TET2: variants seen among roughly 807,000 people sequenced by gnomAD.
The protein encoded by TET2 is tet methylcytosine dioxygenase 2.
TET2 carries 299 observed loss-of-function variants against 142.9 expected under a neutral mutation model. The observed-to-expected ratio is 2.09, with a 90% CI of 1.90 to 2.30. TET2 has a LOEUF of 2.30. Among genes scored for constraint, TET2 ranks in the 30% most tolerant of loss-of-function variants. The probability of loss-of-function intolerance (pLI) is 0.00; values close to 1 mark genes in which losing one functional copy is unlikely to be tolerated. For missense variants in TET2, 2,418 were observed against 2,378.0 expected (o/e 1.02, Z -0.35); for synonymous variants, 819 against 849.0 (o/e 0.96, Z 0.61).
intron 5 of TET2, among the ~76,000 whole-genome samples, chr4:105,243,305 T>G (rs1729404516): frequency 6.6e-6 from 1 of 152,152 alleles, no homozygotes; most frequent in Non-Finnish European, 1.5e-5. Flanking sequence ...CAGGTAGCAT[T>G]TAATTGTCCC....
At chr4:105,200,168 T>G in intron 2 of TET2, among the ~76,000 whole-genome samples, 1 of 152,174 alleles carries the variant, frequency 6.6e-6, no homozygotes, top group South Asian at 2.1e-4. Flanking sequence ...CAATAGCATA[T>G]AAGTGTTCCT....
chr4:105,160,703 A>T (rs964922980), intron 1 of TET2, among the ~76,000 whole-genome samples: 2 of 152,198 alleles, frequency 1.3e-5, no homozygotes, highest in African/African-American at 4.8e-5. Context: ...TGTATTTTTT[A>T]AAATAAAGGA....
intron 4 of TET2, chr4:105,241,976 A>AAG: frequency 8.1e-7 from 1 of 1,241,720 alleles, no homozygotes. Context: ...CAGGTATACA[A>AAG]GTACTTGCCT....
chr4:105,158,433 G>A (rs1428847976), intron 1 of TET2, among the ~76,000 whole-genome samples: 1 of 152,232 alleles, frequency 6.6e-6, no homozygotes, highest in African/African-American at 2.4e-5. Flanking sequence ...AAGATATAAT[G>A]AATGTAGATG....
At chr4:105,221,538 A>G (rs1229275033) in intron 2 of TET2, among the ~76,000 whole-genome samples, 1 of 152,148 alleles carries the variant, frequency 6.6e-6, no homozygotes, top group African/African-American at 2.4e-5. Context: ...ACTGAGGATT[A>G]TGAAAAACCT....
intron 2 of TET2, among the ~76,000 whole-genome samples, chr4:105,204,010 A>C (rs201606473): frequency 6.6e-6 from 1 of 151,974 alleles, no homozygotes; most frequent in Non-Finnish European, 1.5e-5. Flanking sequence ...AGACCAGCCT[A>C]GCCAATATGG....
At chr4:105,231,979 A>G (rs904334786) in intron 2 of TET2, among the ~76,000 whole-genome samples, 2 of 152,198 alleles carry the variant, frequency 1.3e-5, no homozygotes, top group South Asian at 2.1e-4. Flanking sequence ...TTTGTCACCC[A>G]GGTAATAAGC....
rs1336813297 is a variant in TET2, at chr4:105,259,699, A to T, written c.3884A>T (p.Tyr1295Phe). The T allele has an allele frequency of 3.9e-6, 6 of 1,551,114 alleles. No homozygotes were observed. Among genetic ancestry groups the T allele is most frequent in the Non-Finnish European group, 5.2e-6 (6 of 1,146,646 alleles). Residue 1295 changes from tyrosine (Y) to phenylalanine (F), a missense_variant, in exon 7 of 11, where the codon TAC (tyrosine) becomes TTC (phenylalanine). Physicochemically the swap from Tyr to Phe is conservative, Grantham distance 22. Coordinates refer to ENST00000380013, the MANE Select transcript of TET2 (RefSeq NM_001127208.3). ...FSFGCSWSMYYNGCKFARSKI... is the reference protein window; with the variant it reads ...FSFGCSWSMYFNGCKFARSKI... Reference sequence around the variant, plus strand: ...TTTGGTTGTTCATGGAGCATGTACTACAATGGATGTAAGTTTGCCAGAAGC... The same window carrying T: ...TTTGGTTGTTCATGGAGCATGTACTTCAATGGATGTAAGTTTGCCAGAAGC...
chr4:105,238,849 C>T (rs190315649), intron 3 of TET2: 52 of 239,272 alleles, frequency 2.2e-4, no homozygotes, highest in African/African-American at 1.0e-3. Flanking sequence ...TGTACTTTGC[C>T]CGGATCCATC....
chr4:105,221,138 TTTATTA>T (rs902082360), intron 2 of TET2, among the ~76,000 whole-genome samples: 3 of 152,016 alleles, frequency 2.0e-5, no homozygotes, highest in African/African-American at 4.8e-5. Flanking sequence ...TATGTTTATC[TTTATTA>T]TTATTATTAT....
At chr4:105,162,307 A>G (rs1723896668) in intron 1 of TET2, among the ~76,000 whole-genome samples, 1 of 152,194 alleles carries the variant, frequency 6.6e-6, no homozygotes, top group Non-Finnish European at 1.5e-5. Flanking sequence ...TGAAGCCTGC[A>G]GTTGTTTATC....
chr4:105,232,063 C>A (rs573063317), intron 2 of TET2, among the ~76,000 whole-genome samples: 2 of 152,194 alleles, frequency 1.3e-5, no homozygotes, highest in South Asian at 4.1e-4. Context: ...TCTGTTGTTC[C>A]CCCTCTTTGT....
chr4:105,145,925 A>G (rs923049623), upstream of TET2: 2 of 152,202 alleles, frequency 1.3e-5, no homozygotes, highest in African/African-American at 4.8e-5. Flanking sequence ...TCAATTTCCC[A>G]GTTTGTCGGG....
chr4:105,241,834 C>T (rs1729319330), intron 4 of TET2: 1 of 1,247,958 alleles, frequency 8.0e-7, no homozygotes, highest in Non-Finnish European at 1.0e-6. Context: ...ATTAAATTCA[C>T]CTAGTGTTGC....
At chr4:105,208,937 T>A (rs908280823) in intron 2 of TET2, among the ~76,000 whole-genome samples, 1 of 151,026 alleles carries the variant, frequency 6.6e-6, no homozygotes, top group African/African-American at 2.4e-5. Flanking sequence ...GAGACAAGGC[T>A]ATTAAATTTT....
At chr4:105,179,445 A>G (rs2110444035) in intron 1 of TET2, among the ~76,000 whole-genome samples, 1 of 152,326 alleles carries the variant, frequency 6.6e-6, no homozygotes, top group South Asian at 2.1e-4. Flanking sequence ...CCTTCATTCA[A>G]TGCCAATGAT....
chr4:105,264,732 T>A (rs1730605355), intron 8 of TET2, among the ~76,000 whole-genome samples: 1 of 152,122 alleles, frequency 6.6e-6, no homozygotes, highest in African/African-American at 2.4e-5. Context: ...TCCATGTATG[T>A]TAATATGCTT....
chr4:105,244,840 C>A (rs996123197), intron 6 of TET2, among the ~76,000 whole-genome samples: 1 of 152,130 alleles, frequency 6.6e-6, no homozygotes, highest in Non-Finnish European at 1.5e-5. Context: ...GGTGATTGCC[C>A]ACCTCGGCCT....
At chr4:105,258,842 A>G (rs1297536259) in intron 6 of TET2, among the ~76,000 whole-genome samples, 2 of 152,178 alleles carry the variant, frequency 1.3e-5, no homozygotes, top group African/African-American at 4.8e-5. Flanking sequence ...ATTAGAATGT[A>G]TCAAACTAGG....
Sources: gnomAD v4.1 joint callset for allele counts (sites outside exome capture counted in the v4.1 genomes callset) on GRCh38, gnomAD v4.1.1 for gene constraint, MANE v1.5 for transcripts, NCBI Gene and HGNC (gene_info 2026-07-23, HGNC 2026-07-21) for gene names.